The following MDH1B variants were observed in gnomAD, a reference collection of about 807,000 sequenced individuals.
The protein encoded by MDH1B is malate dehydrogenase 1B.
Under a neutral mutation model 61.4 loss-of-function variants are expected in MDH1B, and 60 were observed. The observed-to-expected ratio is 0.98, with a 90% CI of 0.79 to 1.21. The LOEUF (loss-of-function observed/expected upper bound fraction) is 1.21, where lower values mean the gene tolerates loss of function less well. MDH1B is among the 50% of genes most tolerant of loss of function. MDH1B has a pLI of 0.00. For synonymous variants in MDH1B, 236 were observed against 218.7 expected (o/e 1.08, Z -0.70); for missense variants, 587 against 632.1 (o/e 0.93, Z 0.76).
rs1253638434 is a variant in MDH1B at position 206,755,044 on chromosome 2, G to T, written c.875C>A (p.Ala292Asp). 1.2e-6 allele frequency: 2 copies of T among 1,613,886 alleles called. No individual in the cohort carries two copies. The highest frequency in any genetic ancestry group is 1.7e-6 in the Non-Finnish European group (2 of 1,179,900). Residue 292 changes from alanine (A) to aspartate (D), a missense_variant, in exon 5 of 12, where the codon GCC (alanine) becomes GAC (aspartate). Physicochemically the swap from Ala to Asp is moderately radical, Grantham distance 126. Coordinates refer to ENST00000374412, the MANE Select transcript of MDH1B (RefSeq NM_001039845.3). ...TGTCTTCAGTTTTCTGGCCAGTATG[G>T]CTTTCGCTTCACCTTCCACCCCCAG... is the stretch of plus-strand genomic sequence containing the variant. ...VALGVEGEAK[A>D]ILARKLKTAP...
At chr2:206,759,421 T>C (rs1688964969) in intron 2 of MDH1B, among the ~76,000 whole-genome samples, 1 of 152,206 alleles carries the variant, frequency 6.6e-6, no homozygotes, top group Non-Finnish European at 1.5e-5. Context: ...TCTTTGCTAT[T>C]GTGACTAGTG....
At chr2:206,754,352 A>G (rs770602619) in intron 5 of MDH1B, among the ~76,000 whole-genome samples, 2 of 152,194 alleles carry the variant, frequency 1.3e-5, no homozygotes, top group Admixed American at 1.3e-4. Context: ...CCCTTTTCAA[A>G]TACAACAATC....
chr2:206,746,751 G>A lies in MDH1B; in HGVS notation c.1217-325C>T, dbSNP rs138289240. The stretch of plus-strand genomic sequence containing the variant: ...CCCTGGACCCCTATGCAGCCCATGA[G>A]CCTAAGTCATTTGTCCATCTGGCCT... On this transcript the variant is annotated intron_variant, in intron 7 of 11. Transcript: ENST00000374412. 2.1e-3 allele frequency among the ~76,000 whole-genome samples: 321 copies of A among 152,204 alleles called. 2 individuals are homozygous for A. The highest frequency in any genetic ancestry group is 7.3e-3 in the African/African-American group (305 of 41,522).
chr2:206,756,616 G>A (rs867355355), intron 4 of MDH1B: 13 of 348,198 alleles, frequency 3.7e-5, no homozygotes, highest in South Asian at 2.9e-4. Flanking sequence ...AACAGTCAGA[G>A]AGGGTGAGCT....
chr2:206,747,553 G>C (rs569769785), intron 7 of MDH1B, among the ~76,000 whole-genome samples: 2 of 117,526 alleles, frequency 1.7e-5, no homozygotes, highest in East Asian at 2.1e-4. Flanking sequence ...GATTGATTGA[G>C]TGTCTACCAT....
intron 5 of MDH1B, among the ~76,000 whole-genome samples, chr2:206,753,750 C>T (rs1434207070): frequency 6.6e-6 from 1 of 152,180 alleles, no homozygotes; most frequent in Non-Finnish European, 1.5e-5. Context: ...CAACTTTCCT[C>T]CATTTTTCTT....
intron 8 of MDH1B, among the ~76,000 whole-genome samples, chr2:206,746,015 A>G (rs1002135439): frequency 6.6e-6 from 1 of 152,198 alleles, no homozygotes; most frequent in African/African-American, 2.4e-5. Context: ...GGCATGAGCC[A>G]CTGCACCCGG....
intron 1 of MDH1B, among the ~76,000 whole-genome samples, chr2:206,764,256 C>T (rs1689289342): frequency 6.6e-6 from 1 of 151,454 alleles, no homozygotes; most frequent in Non-Finnish European, 1.5e-5. Context: ...CACGATTGCA[C>T]CACTGCAATC....
At chr2:206,754,933 A>T (rs1688666024) in intron 5 of MDH1B, 76 bp downstream of exon 5, 1 of 1,461,816 alleles carries the variant, frequency 6.8e-7, no homozygotes, top group African/African-American at 1.4e-5. Flanking sequence ...CCTAGAGGGG[A>T]CAGTGTTCTT....
chr2:206,748,080 T>C (rs1185399363), intron 7 of MDH1B, among the ~76,000 whole-genome samples: 1 of 152,132 alleles, frequency 6.6e-6, no homozygotes, highest in Non-Finnish European at 1.5e-5. Flanking sequence ...TTTCCTGTTT[T>C]GTAAAAATGG....
intron 10 of MDH1B, among the ~76,000 whole-genome samples, chr2:206,740,421 C>G (rs1264077097): frequency 1.3e-5 from 2 of 152,182 alleles, no homozygotes; most frequent in East Asian, 3.9e-4. Context: ...TCTTTATCCT[C>G]ATTTTCTTTA....
At chr2:206,760,116 G>A (rs1370228648) in intron 2 of MDH1B, among the ~76,000 whole-genome samples, 2 of 152,184 alleles carry the variant, frequency 1.3e-5, no homozygotes, top group African/African-American at 2.4e-5. Flanking sequence ...AGGCACAACA[G>A]GTGAACTGTA....
chr2:206,759,945 T>C (rs901733124), intron 2 of MDH1B, among the ~76,000 whole-genome samples: 21 of 152,228 alleles, frequency 1.4e-4, no homozygotes, highest in African/African-American at 5.1e-4. Flanking sequence ...GAAAAGGTGA[T>C]GACTGTCAGT....
chr2:206,750,422 G>T (rs1688370258), intron 6 of MDH1B, among the ~76,000 whole-genome samples: 1 of 147,894 alleles, frequency 6.8e-6, no homozygotes, highest in African/African-American at 2.5e-5. Context: ...AAGTGGAAAT[G>T]GTAACATGAT....
rs1176854250 is a variant in MDH1B, at chr2:206,739,645, A to G, written c.1476T>C (p.Asn492=). 1 of 1,613,934 alleles carries G rather than the reference A, an allele frequency of 6.2e-7. No individual in the cohort carries two copies. The highest frequency in any genetic ancestry group is 8.5e-7 in the Non-Finnish European group (1 of 1,179,958). ...LAMSDAAEFP[N]QIPQTTFEKP... ...TTTCAAAGGTGGTTTGAGGAATCTG[A>G]TTTGGAAACTCTGCTGCTGCAAATA... is the stretch of plus-strand genomic sequence containing the variant. Residue 492 remains asparagine (N), a synonymous_variant, in exon 11 of 12, where the codon AAT becomes AAC. Transcript: ENST00000374412.
At chr2:206,762,909 G>T (rs1022194818) in intron 1 of MDH1B, among the ~76,000 whole-genome samples, 3 of 152,112 alleles carry the variant, frequency 2.0e-5, no homozygotes, top group Admixed American at 1.3e-4. Flanking sequence ...ATCCTTTGTA[G>T]GTTTCCATTC....
intron 10 of MDH1B, 32 bp downstream of exon 10, chr2:206,741,022 T>C (rs1158676378): frequency 6.2e-7 from 1 of 1,612,674 alleles, no homozygotes; most frequent in Non-Finnish European, 8.5e-7. Context: ...CTATTAGCAA[T>C]ATAGACATTG....
chr2:206,758,604 A>G (rs1031930324), intron 2 of MDH1B, among the ~76,000 whole-genome samples: 7 of 152,072 alleles, frequency 4.6e-5, no homozygotes, highest in African/African-American at 1.7e-4. Context: ...CATCTCTACT[A>G]AAAACACAAA....
intron 7 of MDH1B, 78 bp downstream of exon 7, chr2:206,748,942 G>T: frequency 7.8e-7 from 1 of 1,289,188 alleles, no homozygotes. Context: ...AGCTAGATGG[G>T]TGGGGACACA....
Sources: gnomAD v4.1 joint callset for allele counts (sites outside exome capture counted in the v4.1 genomes callset) on GRCh38, gnomAD v4.1.1 for gene constraint, MANE v1.5 for transcripts, NCBI Gene and HGNC (gene_info 2026-07-23, HGNC 2026-07-21) for gene names.